PPP1R9A: variants seen among roughly 807,000 people sequenced by gnomAD.
PPP1R9A encodes protein phosphatase 1 regulatory subunit 9A, also known as neurabin-1.
PPP1R9A carries 59 observed loss-of-function variants against 141.9 expected under a neutral mutation model. The observed-to-expected ratio is 0.42, with a 90% CI of 0.34 to 0.52. The LOEUF (loss-of-function observed/expected upper bound fraction) is 0.52, where lower values mean the gene tolerates loss of function less well. PPP1R9A is among the 20% of genes least tolerant of loss of function. The pLI, the probability that PPP1R9A is intolerant of heterozygous loss-of-function variation, is 0.10. For missense variants in PPP1R9A, 1,444 were observed against 1,611.9 expected (o/e 0.90, Z 1.78); for synonymous variants, 500 against 569.7 (o/e 0.88, Z 1.74).
At chr7:95,123,995 T>C (rs1380104652) in intron 4 of PPP1R9A, among the ~76,000 whole-genome samples, 1 of 152,172 alleles carries the variant, frequency 6.6e-6, no homozygotes, top group Admixed American at 6.5e-5. Context: ...AGAGAAACTT[T>C]AGAGTTTTTA....
chr7:95,129,044 G>A (rs1824093921), intron 4 of PPP1R9A, among the ~76,000 whole-genome samples: 2 of 152,122 alleles, frequency 1.3e-5, no homozygotes, highest in African/African-American at 4.8e-5. Context: ...AAAGCTAGGG[G>A]TCCAGTTGCA....
At chr7:95,014,606 T>G (rs1804846171) in intron 2 of PPP1R9A, among the ~76,000 whole-genome samples, 1 of 152,080 alleles carries the variant, frequency 6.6e-6, no homozygotes, top group Non-Finnish European at 1.5e-5. Context: ...ATAAATATCT[T>G]GTGTGAAAAT....
chr7:95,006,606 T>G (rs1222190509), intron 2 of PPP1R9A, among the ~76,000 whole-genome samples: 1 of 152,138 alleles, frequency 6.6e-6, no homozygotes. Flanking sequence ...CATGACCTAT[T>G]ATATATTTCT....
chr7:95,145,361 G>A (rs1827416004), intron 4 of PPP1R9A, among the ~76,000 whole-genome samples: 1 of 152,066 alleles, frequency 6.6e-6, no homozygotes, highest in African/African-American at 2.4e-5. Context: ...AAAGTTTAAG[G>A]GATGCAAATA....
intron 8 of PPP1R9A, among the ~76,000 whole-genome samples, chr7:95,231,658 C>T (rs1324273968): frequency 6.6e-6 from 1 of 151,790 alleles, no homozygotes; most frequent in Non-Finnish European, 1.5e-5. Flanking sequence ...GTTGGGTCAA[C>T]AATCAAGATG....
intron 2 of PPP1R9A, among the ~76,000 whole-genome samples, chr7:94,983,946 A>C (rs1800461744): frequency 6.6e-6 from 1 of 152,222 alleles, no homozygotes; most frequent in Non-Finnish European, 1.5e-5. Flanking sequence ...TTGCCCATTC[A>C]GTATGATACT....
chr7:95,236,082 C>A (rs1381634458), intron 8 of PPP1R9A, among the ~76,000 whole-genome samples: 1 of 152,194 alleles, frequency 6.6e-6, no homozygotes, highest in East Asian at 1.9e-4. Flanking sequence ...TCAGAAATCA[C>A]CACTAAAGAA....
At chr7:95,058,957 T>C (rs921482129) in intron 2 of PPP1R9A, among the ~76,000 whole-genome samples, 1 of 152,070 alleles carries the variant, frequency 6.6e-6, no homozygotes, top group African/African-American at 2.4e-5. Flanking sequence ...ATCCAGCTAA[T>C]TTTTGTATTT....
chr7:95,260,080 A>T lies in PPP1R9A; in HGVS notation c.2665+7950A>T, dbSNP rs149489397. 7.1e-3 allele frequency among the ~76,000 whole-genome samples: 1,078 copies of T among 152,308 alleles called. 27 individuals carry two copies. The highest frequency in any genetic ancestry group is 0.04 in the Admixed American group (609 of 15,292). On this transcript the variant is annotated intron_variant, in intron 12 of 19. Coordinates refer to ENST00000433360, the MANE Select transcript of PPP1R9A (RefSeq NM_001166160.2). ...TGGTAAATCACTATGGGAAATTTTAATGAACAAGCCAAGTGAATGAGAAAT... is the reference window on the plus strand; with the variant it reads ...TGGTAAATCACTATGGGAAATTTTATTGAACAAGCCAAGTGAATGAGAAAT...
rs375653757 is a variant in PPP1R9A, at chr7:95,090,915, T to C, written c.1396-20344T>C. On this transcript the variant is annotated intron_variant, in intron 2 of 19. Coordinates refer to ENST00000433360, the MANE Select transcript of PPP1R9A (RefSeq NM_001166160.2). ...ATGTATGTACATACTGATGTAGTTT[T>C]ATAATCTTTTCACATACCAAATATT... 3.4e-4 allele frequency among the ~76,000 whole-genome samples: 51 copies of C among 152,208 alleles called. 1 individual carries two copies. The highest frequency in any genetic ancestry group is 9.4e-4 in the African/African-American group (39 of 41,452).
chr7:95,135,730 TA>T (rs146983354), intron 4 of PPP1R9A, among the ~76,000 whole-genome samples: 1 of 151,976 alleles, frequency 6.6e-6, no homozygotes, highest in Non-Finnish European at 1.5e-5. Context: ...TTTTGCCCTT[TA>T]AAAAAATATT....
chr7:95,257,525 T>TA (rs1385506181), intron 12 of PPP1R9A, among the ~76,000 whole-genome samples: 1 of 151,054 alleles, frequency 6.6e-6, no homozygotes, highest in African/African-American at 2.4e-5. Flanking sequence ...TTTTTTTTTT[T>TA]ATTATTATGC....
chr7:95,226,729 A>T (rs1179954202), intron 8 of PPP1R9A, among the ~76,000 whole-genome samples: 1 of 152,192 alleles, frequency 6.6e-6, no homozygotes, highest in East Asian at 1.9e-4. Flanking sequence ...TTTTCTGCTG[A>T]TGCTTCCAAA....
intron 5 of PPP1R9A, among the ~76,000 whole-genome samples, chr7:95,169,419 G>T (rs983529533): frequency 6.6e-6 from 1 of 151,556 alleles, no homozygotes; most frequent in African/African-American, 2.4e-5. Context: ...GATGAAGAGA[G>T]GTTGCTTAAA....
Position 95,124,694 on chromosome 7 carries a change from T to C in PPP1R9A, c.1649+3862T>C, listed in dbSNP as rs182973641. Among the ~76,000 whole-genome samples, 124 of 152,304 alleles carry C rather than the reference T, an allele frequency of 8.1e-4. 1 individual carries two copies. The South Asian group carries it at 0.015, about 19-fold the overall frequency. ...TCTGTATTATTGTTTTCTAGCTTTC[T>C]AGCTTGCTTTAGATTCTTAATAACT... On this transcript the variant is annotated intron_variant, in intron 4 of 19. Coordinates refer to ENST00000433360, the MANE Select transcript of PPP1R9A (RefSeq NM_001166160.2).
chr7:94,998,068 T>G (rs1802417597), intron 2 of PPP1R9A, among the ~76,000 whole-genome samples: 1 of 152,206 alleles, frequency 6.6e-6, no homozygotes, highest in Middle Eastern at 3.2e-3. Context: ...TGGAACAGTT[T>G]CTGTTTTTAA....
chr7:94,916,744 T>C lies in PPP1R9A; in HGVS notation c.1395+5236T>C, dbSNP rs140569556. Among the ~76,000 whole-genome samples the C allele has an allele frequency of 7.3e-3, 1,106 of 152,318 alleles. 11 individuals carry two copies. Among genetic ancestry groups the C allele is most frequent in the African/African-American group, 0.025 (1,057 of 41,558 alleles). ...CAAGTGTAAATTAATAAACTTAGTA[T>C]AAGAATGGTCATATGATTTAACTTG... On this transcript the variant is annotated intron_variant, in intron 2 of 19. Coordinates refer to ENST00000433360, the MANE Select transcript of PPP1R9A (RefSeq NM_001166160.2).
intron 2 of PPP1R9A, among the ~76,000 whole-genome samples, chr7:95,042,083 G>T (rs1584408286): frequency 6.6e-6 from 1 of 152,168 alleles, no homozygotes; most frequent in Non-Finnish European, 1.5e-5. Context: ...ACTTGGGAAG[G>T]TGATGTCAGG....
chr7:94,928,433 A>T (rs1793747725), intron 2 of PPP1R9A, among the ~76,000 whole-genome samples: 1 of 152,228 alleles, frequency 6.6e-6, no homozygotes, highest in African/African-American at 2.4e-5. Context: ...GAGAAGATCC[A>T]TTGGTCCCCC....
Sources: gnomAD v4.1 joint callset for allele counts (sites outside exome capture counted in the v4.1 genomes callset) on GRCh38, gnomAD v4.1.1 for gene constraint, MANE v1.5 for transcripts, NCBI Gene and HGNC (gene_info 2026-07-23, HGNC 2026-07-21) for gene names.